GNB1: variants seen among roughly 807,000 people sequenced by gnomAD.
GNB1 encodes G protein subunit beta 1, also known as guanine nucleotide-binding protein G(I)/G(S)/G(T) subunit beta-1.
Under a neutral mutation model 42.9 loss-of-function variants are expected in GNB1, and 2 were observed. The observed-to-expected ratio is 0.05, with a 90% CI of 0.02 to 0.15. The LOEUF (loss-of-function observed/expected upper bound fraction) is 0.15, where lower values mean the gene tolerates loss of function less well. Among genes scored for constraint, GNB1 ranks in the 10% least tolerant of loss-of-function variants. The pLI, the probability that GNB1 is intolerant of heterozygous loss-of-function variation, is 1.00. For synonymous variants in GNB1, 183 were observed against 174.7 expected, an observed-to-expected ratio of 1.05 and a Z score of -0.38; for missense variants, 193 against 462.2, an observed-to-expected ratio of 0.42 and a Z score of 5.34.
At position 1,789,041 on chromosome 1, in the gene GNB1, A is replaced by G. The variant is rs751610023; in HGVS notation, c.916+12T>C. 1 of 1,598,018 alleles carries G rather than the reference A, an allele frequency of 6.3e-7. No individual in the cohort carries two copies. Among genetic ancestry groups the G allele is most frequent in the East Asian group, 2.2e-5 (1 of 44,756 alleles). ...TGTCCACAAGACACAGAAAGGCCCC[A>G]TGGCCACGTACCTGCCCGGTCGGCT... On this transcript the variant is annotated intron_variant, in intron 10 of 11. Coordinates refer to ENST00000378609, the MANE Select transcript of GNB1 (RefSeq NM_002074.5).
At position 1,787,755 on chromosome 1, in the gene GNB1, G is replaced by A. The variant is rs1646425492; in HGVS notation, c.917-318C>T. Among the ~76,000 whole-genome samples, 1 of 152,270 alleles carries A rather than the reference G, an allele frequency of 6.6e-6. No individual in the cohort carries two copies. The highest frequency in any genetic ancestry group is 1.9e-4 in the East Asian group (1 of 5,180). Reference sequence around the variant, plus strand: ...ATCAAAAAAATCAAAACTATCATCAGACGCAGTGGCTTAGGCCTGTAATCC... The same window carrying A: ...ATCAAAAAAATCAAAACTATCATCAAACGCAGTGGCTTAGGCCTGTAATCC... On this transcript the variant is annotated intron_variant, in intron 10 of 11. Coordinates refer to ENST00000378609, the MANE Select transcript of GNB1 (RefSeq NM_002074.5). The surrounding 1 kb of genome is among the most constrained non-coding windows in gnomAD (Gnocchi z 4.4).
intron 6 of GNB1, 23 bp from the exon 7 acceptor site, chr1:1,804,604 T>C (rs1156911946): frequency 1.3e-6 from 2 of 1,530,124 alleles, no homozygotes; most frequent in Non-Finnish European, 1.8e-6. Context: ...AGACAGATGA[T>C]GCAAACAACT....
intron 2 of GNB1, among the ~76,000 whole-genome samples, chr1:1,834,816 C>T (rs1356748677): frequency 1.3e-5 from 2 of 152,108 alleles, no homozygotes. Context: ...CTACAGGCGC[C>T]TGCCACTATG....
chr1:1,814,600 G>T (rs1646825157), intron 5 of GNB1, among the ~76,000 whole-genome samples: 1 of 151,964 alleles, frequency 6.6e-6, no homozygotes, highest in East Asian at 1.9e-4. Flanking sequence ...AGGAGTTTGA[G>T]ACCAGTGTCA....
At chr1:1,861,926 C>T (rs192130010) in intron 1 of GNB1, among the ~76,000 whole-genome samples, 54 of 152,234 alleles carry the variant, frequency 3.5e-4, no homozygotes, top group Admixed American at 1.8e-3. Flanking sequence ...GGAGGCCGGG[C>T]GCAGTGGCTC....
At chr1:1,798,606 T>A (rs566116121) in intron 7 of GNB1, among the ~76,000 whole-genome samples, 33 of 152,328 alleles carry the variant, frequency 2.2e-4, no homozygotes, top group African/African-American at 7.5e-4. Flanking sequence ...CCGAGAGGTA[T>A]GCAAAGAACA....
In GNB1 at chr1:1,853,412, G is replaced by A. The variant is rs546277886; in HGVS notation, c.-95-14174C>T. Among the ~76,000 whole-genome samples the A allele has an allele frequency of 4.6e-5, 7 of 152,140 alleles. No homozygotes were observed. In the South Asian group the frequency reaches 1.4e-3, roughly 31 times the overall value. On this transcript the variant is annotated intron_variant, in intron 1 of 11. Coordinates refer to ENST00000378609, the MANE Select transcript of GNB1 (RefSeq NM_002074.5). ...AGCCTAGAAAGGGCCAAACACATGG[G>A]CACGAACACCCCAGACAACTTTGGT... is the stretch of plus-strand genomic sequence containing the variant.
In GNB1 at chr1:1,787,210, A is replaced by C. The variant is rs1254453817; in HGVS notation, c.*9+112T>G. 1.5e-6 allele frequency: 1 copy of C among 689,258 alleles called. No homozygotes were observed. Among genetic ancestry groups the C allele is most frequent in the East Asian group, 2.7e-5 (1 of 37,624 alleles). 42.7% of individuals were successfully genotyped at this position (689,258 alleles called of 1,614,324 possible). A position where few individuals can be genotyped will look rare whatever the true frequency, so the allele number is the denominator to read the frequency against. ...TAAACGTTTCCCACAACACAATTCCAAATCAATGCTACATCAACATTTATC... is the reference window on the plus strand; with the variant it reads ...TAAACGTTTCCCACAACACAATTCCCAATCAATGCTACATCAACATTTATC... On this transcript the variant is annotated intron_variant, in intron 11 of 11. Transcript: ENST00000378609. This position sits in a 1 kb window ranked among gnomAD's most constrained non-coding sequence, Gnocchi z 4.4.
intron 6 of GNB1, among the ~76,000 whole-genome samples, chr1:1,806,233 C>T (rs1292647853): frequency 6.6e-6 from 1 of 152,144 alleles, no homozygotes; most frequent in African/African-American, 2.4e-5. Context: ...CCTTAGCTCC[C>T]ACCAGCTTGG....
chr1:1,827,760 T>A (rs1647019372), intron 2 of GNB1, among the ~76,000 whole-genome samples: 1 of 152,162 alleles, frequency 6.6e-6, no homozygotes, highest in Admixed American at 6.6e-5. Context: ...TTTTGCAGAG[T>A]TGGGGGTAGT....
chr1:1,832,063 C>CAAAAAAAAAAAAA, intron 2 of GNB1, among the ~76,000 whole-genome samples: 1 of 87,098 alleles, frequency 1.1e-5, no homozygotes, highest in South Asian at 4.6e-4. Context: ...GACCTTGTCT[C>CAAAAAAAAAAAAA]AAAAAAAAAA....
At chr1:1,788,967 C>A in intron 10 of GNB1, 86 bp downstream of exon 10, 1 of 969,626 alleles carries the variant, frequency 1.0e-6, no homozygotes, top group Non-Finnish European at 1.6e-6. Flanking sequence ...TACTAAAACA[C>A]TGCAGCTTAT....
chr1:1,803,415 C>G (rs926985695), intron 7 of GNB1, among the ~76,000 whole-genome samples: 1 of 152,196 alleles, frequency 6.6e-6, no homozygotes, highest in Non-Finnish European at 1.5e-5. Flanking sequence ...TCCTGAGGAG[C>G]TGGGACCATA....
At chr1:1,877,922 G>A (rs1391892281) in intron 1 of GNB1, among the ~76,000 whole-genome samples, 1 of 152,156 alleles carries the variant, frequency 6.6e-6, no homozygotes, top group Non-Finnish European at 1.5e-5. Flanking sequence ...TTTTCCAGTG[G>A]AAAAATGTTC....
intron 1 of GNB1, among the ~76,000 whole-genome samples, chr1:1,884,034 C>T (rs539726417): frequency 6.6e-6 from 1 of 150,408 alleles, no homozygotes; most frequent in South Asian, 2.1e-4. Flanking sequence ...GGCACAATCT[C>T]GGCTCACCGC....
intron 5 of GNB1, among the ~76,000 whole-genome samples, chr1:1,812,407 T>TACATACAC (rs1553195491): frequency 1.4e-5 from 2 of 146,224 alleles, no homozygotes; most frequent in Admixed American, 1.4e-4. Flanking sequence ...CACACATACA[T>TACATACAC]ACACACACAC....
rs1298673775 is a variant in GNB1 at position 1,879,618 on chromosome 1, T to C, written c.-96+11202A>G. On this transcript the variant is annotated intron_variant, in intron 1 of 11. Transcript: ENST00000378609. ...TATTCGGGAGGCTGAGGCAGGAGAATGGCGTGAACCCAGGAGGCGGAGCTT... is the reference window on the plus strand; with the variant it reads ...TATTCGGGAGGCTGAGGCAGGAGAACGGCGTGAACCCAGGAGGCGGAGCTT... 4.0e-5 allele frequency among the ~76,000 whole-genome samples: 6 copies of C among 149,346 alleles called. No individual in the cohort carries two copies. In the South Asian group the frequency reaches 6.3e-4, roughly 16 times the overall value.
In GNB1 at chr1:1,866,908, C is replaced by T. The variant is rs1041406763; in HGVS notation, c.-96+23912G>A. On this transcript the variant is annotated intron_variant, in intron 1 of 11. Coordinates refer to ENST00000378609, the MANE Select transcript of GNB1 (RefSeq NM_002074.5). ...GGCGGAGCTTGCAGTGAGCTGAGAT[C>T]GCGCCACTGCACTCCAACCTGGGGC... Among the ~76,000 whole-genome samples, 6 of 151,800 alleles carry T rather than the reference C, an allele frequency of 4.0e-5. 1 individual carries two copies. The highest frequency in any genetic ancestry group is 2.0e-4 in the Admixed American group (3 of 15,226).
At chr1:1,819,703 TA>T (rs201462488) in intron 3 of GNB1, among the ~76,000 whole-genome samples, 2,023 of 81,886 alleles carry the variant, frequency 0.025, 42 homozygotes, top group African/African-American at 0.061. Flanking sequence ...TATGCCCGGC[TA>T]ATTTTTTTTT....
Sources: allele counts gnomAD v4.1 joint callset (sites outside exome capture counted in the v4.1 genomes callset), GRCh38; gene constraint gnomAD v4.1.1; non-coding constraint Gnocchi (gnomAD v3.1); transcripts MANE v1.5; gene names NCBI Gene and HGNC (gene_info 2026-07-23, HGNC 2026-07-21).